Variants in LGR5 observed in about 807,000 individuals in gnomAD.
LGR5 encodes the protein leucine-rich repeat-containing G protein-coupled receptor 5.
LGR5 carries 54 observed loss-of-function variants against 76.7 expected under a neutral mutation model. The observed-to-expected ratio is 0.70, with a 90% CI of 0.57 to 0.88. The LOEUF (loss-of-function observed/expected upper bound fraction) is 0.88, where lower values mean the gene tolerates loss of function less well. Ranked by LOEUF, LGR5 falls within the 40% of genes least tolerant of loss-of-function variation. The probability of loss-of-function intolerance (pLI) is 0.00; values close to 1 mark genes in which losing one functional copy is unlikely to be tolerated. For synonymous variants in LGR5, 406 were observed against 421.9 expected (o/e 0.96, Z 0.46); for missense variants, 1,078 against 1,073.3 (o/e 1.00, Z -0.06).
intron 7 of LGR5, among the ~76,000 whole-genome samples, chr12:71,561,072 G>A (rs1878033032): frequency 6.6e-6 from 1 of 152,186 alleles, no homozygotes; most frequent in Non-Finnish European, 1.5e-5. Flanking sequence ...CCCTAGCAGT[G>A]AGAAATAAGA....
At chr12:71,536,321 C>T (rs1002415735) in intron 4 of LGR5, among the ~76,000 whole-genome samples, 2 of 152,156 alleles carry the variant, frequency 1.3e-5, no homozygotes, top group East Asian at 1.9e-4. Flanking sequence ...ATGATACTTT[C>T]GTCCTTTGAT....
At chr12:71,551,210 C>G (rs1041402859) in intron 4 of LGR5, among the ~76,000 whole-genome samples, 3 of 152,230 alleles carry the variant, frequency 2.0e-5, no homozygotes, top group Non-Finnish European at 4.4e-5. Flanking sequence ...TTTGAGGCAT[C>G]GCTTGTTCCT....
chr12:71,486,061 G>A (rs1211537611), intron 1 of LGR5, among the ~76,000 whole-genome samples: 3 of 152,198 alleles, frequency 2.0e-5, no homozygotes, highest in Non-Finnish European at 4.4e-5. Context: ...AGCACGCCAG[G>A]CCAATTAAGG....
intron 2 of LGR5, among the ~76,000 whole-genome samples, chr12:71,514,454 G>C (rs1875332552): frequency 6.6e-6 from 1 of 151,914 alleles, no homozygotes; most frequent in South Asian, 2.1e-4. Flanking sequence ...TGTAGTCCCA[G>C]CTACTCAGGA....
chr12:71,561,990 C>T (rs1878084027), intron 8 of LGR5, 138 bp downstream of exon 8: 1 of 457,788 alleles, frequency 2.2e-6, no homozygotes. Flanking sequence ...GGTATATACA[C>T]ATGCATTTTG....
At chr12:71,461,322 T>A (rs1472052164) in intron 1 of LGR5, among the ~76,000 whole-genome samples, 1 of 152,214 alleles carries the variant, frequency 6.6e-6, no homozygotes, top group African/African-American at 2.4e-5. Context: ...TAAGGTGCTA[T>A]GGAGGACACA....
intron 6 of LGR5, among the ~76,000 whole-genome samples, chr12:71,559,077 G>C (rs145174574): frequency 2.0e-5 from 3 of 152,260 alleles, no homozygotes; most frequent in African/African-American, 7.2e-5. Context: ...GGTTCATCCT[G>C]GACTTCAGGC....
chr12:71,569,807 G>C (rs1156242440), intron 11 of LGR5, among the ~76,000 whole-genome samples: 1 of 151,936 alleles, frequency 6.6e-6, no homozygotes, highest in Non-Finnish European at 1.5e-5. Context: ...CCCATAACTG[G>C]GTATATACCC....
chr12:71,495,662 TA>T (rs781621305), intron 1 of LGR5, among the ~76,000 whole-genome samples: 21 of 151,440 alleles, frequency 1.4e-4, no homozygotes, highest in Non-Finnish European at 2.5e-4. Context: ...ACAAAGATGT[TA>T]AATAACTTCC....
intron 17 of LGR5, among the ~76,000 whole-genome samples, chr12:71,582,961 GAAGA>G (rs1879154967): frequency 7.6e-6 from 1 of 131,316 alleles, no homozygotes; most frequent in African/African-American, 2.8e-5. Flanking sequence ...AGGAAGGAAG[GAAGA>G]AAGGAAGGAA....
intron 1 of LGR5, among the ~76,000 whole-genome samples, chr12:71,452,090 G>C (rs1192291212): frequency 6.6e-6 from 1 of 152,074 alleles, no homozygotes; most frequent in Non-Finnish European, 1.5e-5. Flanking sequence ...ATTCCTTCCC[G>C]TGGAAACCAC....
intron 11 of LGR5, among the ~76,000 whole-genome samples, chr12:71,570,640 A>T (rs1282304842): frequency 6.6e-6 from 1 of 152,096 alleles, no homozygotes; most frequent in East Asian, 1.9e-4. Context: ...ACAAATTTGG[A>T]TTTACAAGCA....
At chr12:71,486,960 A>G (rs1302838694) in intron 1 of LGR5, among the ~76,000 whole-genome samples, 1 of 152,168 alleles carries the variant, frequency 6.6e-6, no homozygotes, top group Non-Finnish European at 1.5e-5. Context: ...TAAGGATTTC[A>G]CTAGCATTTA....
chr12:71,562,432 A>G (rs1042102797), intron 8 of LGR5, among the ~76,000 whole-genome samples: 1 of 145,662 alleles, frequency 6.9e-6, no homozygotes, highest in Non-Finnish European at 1.5e-5. Flanking sequence ...AAAATCGGCC[A>G]GGCACTGTGG....
chr12:71,566,496 T>C (rs1221176397), intron 9 of LGR5, 21 bp downstream of exon 9: 4 of 1,574,050 alleles, frequency 2.5e-6, no homozygotes, highest in East Asian at 2.2e-5. Flanking sequence ...ATGTCTCTTA[T>C]GGATCACTTT....
At chr12:71,573,633 G>C (rs1416210147) in intron 13 of LGR5, among the ~76,000 whole-genome samples, 3 of 152,082 alleles carry the variant, frequency 2.0e-5, no homozygotes, top group Non-Finnish European at 4.4e-5. Flanking sequence ...GGTGATGATA[G>C]GTAATGTTTA....
rs148446119 is a variant in LGR5, at chr12:71,542,976, G to A, written c.428+7790G>A. 1.5e-3 allele frequency among the ~76,000 whole-genome samples: 233 copies of A among 152,038 alleles called. 2 individuals are homozygous for A. The highest frequency in any genetic ancestry group is 5.5e-3 in the Admixed American group (84 of 15,254). ...TGTCTGACTACCCTTTAGAAAACAT[G>A]CTCCATAATGGCTGGGACCATGCCT... On this transcript the variant is annotated intron_variant, in intron 4 of 17. Transcript: ENST00000266674.
chr12:71,544,572 C>T (rs1490470694), intron 4 of LGR5, among the ~76,000 whole-genome samples: 1 of 146,144 alleles, frequency 6.8e-6, no homozygotes, highest in Non-Finnish European at 1.5e-5. Flanking sequence ...CAAAAGTGAC[C>T]CTGGTGTTAT....
chr12:71,439,904 C>G lies in LGR5; in HGVS notation c.-177C>G, dbSNP rs1871669903. On this transcript the variant is annotated 5_prime_UTR_variant, in exon 1 of 18. Coordinates refer to ENST00000266674, the MANE Select transcript of LGR5 (RefSeq NM_003667.4). ...GCGTGGCGGCAACCGGCACCTCTGT[C>G]CCCGCCGCGCTTCTCCTCGCCGCCC... is the stretch of plus-strand genomic sequence containing the variant. The G allele has an allele frequency of 1.7e-6, 1 of 581,476 alleles. No homozygotes were observed. Among genetic ancestry groups the G allele is most frequent in the South Asian group, 2.2e-5 (1 of 46,014 alleles). 36.0% of individuals were successfully genotyped at this position (581,476 alleles called of 1,614,324 possible). A position where few individuals can be genotyped will look rare whatever the true frequency, so the allele number is the denominator to read the frequency against.
Sources: gnomAD v4.1 joint callset for allele counts (sites outside exome capture counted in the v4.1 genomes callset) on GRCh38, gnomAD v4.1.1 for gene constraint, MANE v1.5 for transcripts, NCBI Gene and HGNC (gene_info 2026-07-23, HGNC 2026-07-21) for gene names.